ZNF592: variants seen among roughly 807,000 people sequenced by gnomAD.
ZNF592 encodes spinocerebellar ataxia, autosomal recessive 5.
ZNF592 carries 11 observed loss-of-function variants against 80.3 expected under a neutral mutation model. The observed-to-expected ratio is 0.14, with a 90% CI of 0.09 to 0.23. The LOEUF is 0.23. ZNF592 is among the 10% of genes least tolerant of loss of function. The probability of loss-of-function intolerance (pLI) is 1.00; values close to 1 mark genes in which losing one functional copy is unlikely to be tolerated. For synonymous variants in ZNF592, 646 were observed against 640.3 expected (o/e 1.01, Z -0.13); for missense variants, 1,420 against 1,633.9 (o/e 0.87, Z 2.26).
chr15:84,777,429 T>A (rs1345920320), intron 2 of ZNF592, among the ~76,000 whole-genome samples: 1 of 141,166 alleles, frequency 7.1e-6, no homozygotes. Flanking sequence ...TGAGCCGAGA[T>A]CACGCCACTG....
intron 1 of ZNF592, among the ~76,000 whole-genome samples, chr15:84,749,729 G>A (rs1437871859): frequency 2.0e-5 from 3 of 152,186 alleles, no homozygotes; most frequent in Non-Finnish European, 4.4e-5. Flanking sequence ...GGAGGATGTG[G>A]ACAGACAGAT....
chr15:84,799,436 T>C lies in ZNF592; in HGVS notation c.3137+226T>C, dbSNP rs992071932. ...CTCTCGTCACTCTCTAGCCCAGGACTGCACAGCCCATCAGTCACGAAGCAT... is the reference window on the plus strand; with the variant it reads ...CTCTCGTCACTCTCTAGCCCAGGACCGCACAGCCCATCAGTCACGAAGCAT... On this transcript the variant is annotated intron_variant, in intron 9 of 10. Coordinates refer to ENST00000560079, the MANE Select transcript of ZNF592 (RefSeq NM_014630.3). The surrounding 1 kb of genome is among the most constrained non-coding windows in gnomAD (Gnocchi z 4.2). 6.6e-6 allele frequency among the ~76,000 whole-genome samples: 1 copy of C among 152,186 alleles called. No individual in the cohort carries two copies. Among genetic ancestry groups the C allele is most frequent in the Non-Finnish European group, 1.5e-5 (1 of 68,024 alleles).
intron 1 of ZNF592, among the ~76,000 whole-genome samples, chr15:84,750,782 T>A (rs1290171452): frequency 1.3e-5 from 2 of 152,026 alleles, no homozygotes; most frequent in Non-Finnish European, 2.9e-5. Flanking sequence ...TGGAGCTGAC[T>A]GTAGCAAGGA....
Position 84,784,686 on chromosome 15 carries a change from G to A in ZNF592, c.2011G>A (p.Ala671Thr). The change falls in exon 4 of 11, where the codon GCA becomes ACA. Residue 671 changes from alanine (A) to threonine (T), a missense_variant. This residue lies in a region of ZNF592 where 524 missense variants were observed against 628.3 expected (regional missense o/e 0.83). Transcript: ENST00000560079. This position sits in a 1 kb window ranked among gnomAD's most constrained non-coding sequence, Gnocchi z 5.8. The stretch of plus-strand genomic sequence containing the variant: ...CGTGTCGGCCCCTGTGAACTCCACG[G>A]CACCAGCAGCCCCAGCCCCTTCATC... ...MFVSAPVNST[A>T]PAAPAPSSSP... 1 of 1,614,014 alleles carries A rather than the reference G, an allele frequency of 6.2e-7. No homozygotes were observed. The highest frequency in any genetic ancestry group is 8.5e-7 in the Non-Finnish European group (1 of 1,180,022).
chr15:84,790,400 G>A (rs2141993274), intron 4 of ZNF592, among the ~76,000 whole-genome samples: 1 of 152,254 alleles, frequency 6.6e-6, no homozygotes, highest in South Asian at 2.1e-4. Flanking sequence ...CCTCTGCAAA[G>A]GAAAAGCTGG....
chr15:84,774,701 G>A (rs1341173701), intron 2 of ZNF592, among the ~76,000 whole-genome samples: 2 of 151,912 alleles, frequency 1.3e-5, no homozygotes, highest in East Asian at 1.9e-4. Flanking sequence ...TGGGATCTTA[G>A]CATTTAAAGT....
At chr15:84,787,172 T>G (rs1461226495) in intron 4 of ZNF592, among the ~76,000 whole-genome samples, 2 of 152,074 alleles carry the variant, frequency 1.3e-5, no homozygotes, top group Non-Finnish European at 2.9e-5. Flanking sequence ...CTTCTAAAAT[T>G]TGAGTAGGCA....
chr15:84,771,068 C>T (rs532659072), intron 2 of ZNF592, among the ~76,000 whole-genome samples: 4 of 152,012 alleles, frequency 2.6e-5, no homozygotes, highest in Non-Finnish European at 4.4e-5. Context: ...GGAATGGCTC[C>T]GGGAGCAGTG....
At position 84,798,500 on chromosome 15, in the gene ZNF592, G is replaced by A. The variant is rs750215940; in HGVS notation, c.2736+26G>A. 1.8e-5 allele frequency: 29 copies of A among 1,613,624 alleles called. No individual in the cohort carries two copies. Among genetic ancestry groups the A allele is most frequent in the African/African-American group, 2.7e-5 (2 of 74,896 alleles). ...GTGGGATGCCTTGCGGGAGGAGGCC[G>A]GGGAGGAGGGCACATGCCTCAGGCT... is the stretch of plus-strand genomic sequence containing the variant. On this transcript the variant is annotated intron_variant, in intron 7 of 10. Transcript: ENST00000560079. The surrounding 1 kb of genome is among the most constrained non-coding windows in gnomAD (Gnocchi z 4.5).
rs1469903940 is a variant in ZNF592, at chr15:84,798,861, A to G, written c.3010A>G (p.Lys1004Glu). ...DRESYVSHMK[K>E]SHGRTLKRYP... The stretch of plus-strand genomic sequence containing the variant: ...GGAGAGCTACGTGTCCCACATGAAA[A>G]AGAGCCACGGTCGGGTAAGTGCAGC... Residue 1004 changes from lysine (K) to glutamate (E), a missense_variant, in exon 8 of 11, where the codon AAG becomes GAG. Lys to Glu is a moderately conservative substitution (Grantham distance 56). Around this residue, in one of 7 missense-constraint regions of ZNF592, gnomAD observed 331 missense variants for 347.0 expected, o/e 0.95. Coordinates refer to ENST00000560079, the MANE Select transcript of ZNF592 (RefSeq NM_014630.3). The surrounding 1 kb of genome is among the most constrained non-coding windows in gnomAD (Gnocchi z 4.5). 1.3e-6 allele frequency: 2 copies of G among 1,598,512 alleles called. No individual in the cohort carries two copies.
chr15:84,776,608 T>C (rs533782069), intron 2 of ZNF592, among the ~76,000 whole-genome samples: 185 of 152,232 alleles, frequency 1.2e-3, no homozygotes, highest in African/African-American at 4.3e-3. Flanking sequence ...ATACAAAAAT[T>C]AGCCGGGCAT....
chr15:84,761,447 G>A (rs1013602219), intron 1 of ZNF592, among the ~76,000 whole-genome samples: 3 of 152,196 alleles, frequency 2.0e-5, no homozygotes, highest in East Asian at 1.9e-4. Flanking sequence ...TGGTAATGGC[G>A]GGATGCTCCC....
intron 4 of ZNF592, among the ~76,000 whole-genome samples, chr15:84,788,600 A>G (rs56083611): frequency 0.06 from 9,094 of 152,258 alleles, 336 homozygotes; most frequent in African/African-American, 0.075. Context: ...TCCCATCACA[A>G]TCATTTTGAT....
At position 84,783,060 on chromosome 15, in the gene ZNF592, C is replaced by T; in HGVS notation, c.385C>T (p.Pro129Ser). 6.2e-7 allele frequency: 1 copy of T among 1,614,124 alleles called. No homozygotes were observed. Reference protein sequence around the residue: ...SARSFPGKLEPPKSEPLPTFN... With the variant: ...SARSFPGKLESPKSEPLPTFN... ...CAGGAGTTTCCCTGGCAAACTGGAG[C>T]CTCCCAAGTCAGAGCCATTACCCAC... The change falls in exon 4 of 11, where the codon CCT (proline) becomes TCT (serine). Residue 129 changes from proline to serine, a missense_variant. Pro to Ser is a moderately conservative substitution (Grantham distance 74, BLOSUM62 -1). This residue lies in a region of ZNF592 where 373 missense variants were observed against 355.5 expected (regional missense o/e 1.05). Coordinates refer to ENST00000560079, the MANE Select transcript of ZNF592 (RefSeq NM_014630.3). The surrounding 1 kb of genome is among the most constrained non-coding windows in gnomAD (Gnocchi z 5.0).
chr15:84,791,145 TTGTC>T (rs905794550), intron 5 of ZNF592, among the ~76,000 whole-genome samples: 2 of 152,208 alleles, frequency 1.3e-5, no homozygotes, highest in Admixed American at 1.3e-4. Flanking sequence ...ATATAATACT[TTGTC>T]TATTTGGTTT....
Position 84,802,374 on chromosome 15 carries a change from C to A in ZNF592, c.3785C>A (p.Thr1262Lys), listed in dbSNP as rs370700921. The change falls in exon 11 of 11, where the codon ACA becomes AAA. Residue 1262 changes from threonine (T) to lysine (K), a missense_variant. Coordinates refer to ENST00000560079, the MANE Select transcript of ZNF592 (RefSeq NM_014630.3). ...PQASQDQDSH[T>K]LSPQV The stretch of plus-strand genomic sequence containing the variant: ...GCCTCTCAGGACCAGGACAGCCACA[C>A]ACTGTCCCCTCAGGTGTGACCGGAG... 35 of 1,613,594 alleles carry A rather than the reference C, an allele frequency of 2.2e-5. No individual in the cohort carries two copies. The highest frequency in any genetic ancestry group is 2.9e-5 in the Non-Finnish European group (34 of 1,180,044).
At chr15:84,800,696 C>T (rs545548761) in intron 10 of ZNF592, among the ~76,000 whole-genome samples, 6 of 152,330 alleles carry the variant, frequency 3.9e-5, no homozygotes, top group South Asian at 2.1e-4. Flanking sequence ...TTTGGCAACA[C>T]CTGTCCAATT....
At chr15:84,800,977 A>G (rs766521663) in intron 10 of ZNF592, among the ~76,000 whole-genome samples, 7 of 152,242 alleles carry the variant, frequency 4.6e-5, no homozygotes, top group African/African-American at 1.7e-4. Flanking sequence ...GCTCCAATGT[A>G]TGTTGTTAAG....
intron 4 of ZNF592, among the ~76,000 whole-genome samples, chr15:84,786,319 C>G (rs139191974): frequency 6.6e-6 from 1 of 152,224 alleles, no homozygotes; most frequent in African/African-American, 2.4e-5. Flanking sequence ...CCCAGAGGGA[C>G]TAATTCACGA....
Sources: gnomAD v4.1 joint callset for allele counts (sites outside exome capture counted in the v4.1 genomes callset) on GRCh38, gnomAD v4.1.1 for gene constraint, gnomAD v4.1.1 regional missense constraint, Gnocchi (gnomAD v3.1) non-coding constraint, MANE v1.5 for transcripts, NCBI Gene and HGNC (gene_info 2026-07-23, HGNC 2026-07-21) for gene names.